CDH18: variants seen among roughly 807,000 people sequenced by gnomAD.
CDH18 encodes cadherin-18.
A neutral mutation model predicts 67.9 loss-of-function variants in CDH18; 31 were observed. The ratio of observed to expected loss-of-function variants is 0.46; its 90% confidence interval spans 0.34 to 0.62. The LOEUF is 0.62. Ranked by LOEUF, CDH18 falls within the 20% of genes least tolerant of loss-of-function variation. CDH18 has a pLI of 0.01. For synonymous variants in CDH18, 362 were observed against 347.2 expected, an observed-to-expected ratio of 1.04 and a Z score of -0.48; for missense variants, 890 against 975.5, an observed-to-expected ratio of 0.91 and a Z score of 1.17.
intron 2 of CDH18, among the ~76,000 whole-genome samples, chr5:19,878,803 G>A (rs1787314606): frequency 6.6e-6 from 1 of 151,996 alleles, no homozygotes; most frequent in Non-Finnish European, 1.5e-5. Context: ...CTCTCATACC[G>A]GAAAGTCATT....
At chr5:19,661,721 T>A (rs932171850) in intron 5 of CDH18, among the ~76,000 whole-genome samples, 1 of 152,076 alleles carries the variant, frequency 6.6e-6, no homozygotes, top group African/African-American at 2.4e-5. Context: ...TAATGCCATA[T>A]TTTGGAGATG....
chr5:20,485,711 G>A (rs555801597), intron 1 of CDH18, among the ~76,000 whole-genome samples: 1 of 132,058 alleles, frequency 7.6e-6, no homozygotes, highest in Admixed American at 7.4e-5. Context: ...GTGAAAAAAA[G>A]TGTTTTGCTT....
intron 2 of CDH18, among the ~76,000 whole-genome samples, chr5:20,083,939 G>C (rs1267136093): frequency 6.6e-6 from 1 of 152,086 alleles, no homozygotes; most frequent in African/African-American, 2.4e-5. Flanking sequence ...TGAGATTTGG[G>C]TGGGGACACA....
intron 2 of CDH18, among the ~76,000 whole-genome samples, chr5:20,150,801 A>G (rs535159664): frequency 6.6e-6 from 1 of 152,140 alleles, no homozygotes; most frequent in South Asian, 2.1e-4. Flanking sequence ...GCATGTTTAA[A>G]GCTTTGTAGC....
intron 1 of CDH18, among the ~76,000 whole-genome samples, chr5:20,358,572 CCAGG>C (rs2150068092): frequency 6.6e-6 from 1 of 152,138 alleles, no homozygotes; most frequent in Non-Finnish European, 1.5e-5. Context: ...TAATATTTGA[CCAGG>C]CAATACCACT....
Position 19,980,212 on chromosome 5 carries a change from A to AAAAAAC in CDH18, c.-257+847_-257+848insGTTTTT, listed in dbSNP as rs1554075765. Among the ~76,000 whole-genome samples, 6 of 151,284 alleles carry AAAAAAC rather than the reference A, an allele frequency of 4.0e-5. No homozygotes were observed. In the East Asian group the frequency reaches 9.8e-4, roughly 25 times the overall value. ...GAACTCAACCCCTTTTACAACAGCA[A>AAAAAAC]AAAACAAAACAAAACTTAGGAATAT... On this transcript the variant is annotated intron_variant, in intron 2 of 12. Transcript: ENST00000382275.
chr5:20,537,246 G>A (rs990936971), intron 1 of CDH18, among the ~76,000 whole-genome samples: 2 of 152,024 alleles, frequency 1.3e-5, no homozygotes, highest in African/African-American at 2.4e-5. Context: ...AATGAGAAGC[G>A]AAATAGTATA....
At chr5:20,466,771 C>T (rs992845053) in intron 1 of CDH18, among the ~76,000 whole-genome samples, 25 of 152,036 alleles carry the variant, frequency 1.6e-4, no homozygotes, top group Non-Finnish European at 3.7e-4. Context: ...AGAGTTTGTG[C>T]ATCTTGGCTC....
At position 19,521,148 on chromosome 5, in the gene CDH18, C is replaced by A. The variant is rs1315174078; in HGVS notation, c.1391-370G>T. 2.6e-5 allele frequency among the ~76,000 whole-genome samples: 4 copies of A among 152,014 alleles called. No individual in the cohort carries two copies. In the South Asian group the frequency reaches 6.2e-4, roughly 24 times the overall value. ...CACAGCAGTTGGTAAAAAATAATTA[C>A]CTAATCTTTAAAAAAGTTTAATGTT... is the stretch of plus-strand genomic sequence containing the variant. On this transcript the variant is annotated intron_variant, in intron 9 of 12. Coordinates refer to ENST00000382275, the MANE Select transcript of CDH18 (RefSeq NM_004934.5).
intron 1 of CDH18, among the ~76,000 whole-genome samples, chr5:20,466,109 T>C (rs1255411585): frequency 6.6e-6 from 1 of 152,066 alleles, no homozygotes; most frequent in Non-Finnish European, 1.5e-5. Flanking sequence ...ATTTCTAATA[T>C]ATTTCTGTAT....
At chr5:19,943,877 A>T (rs10054515) in intron 2 of CDH18, among the ~76,000 whole-genome samples, 92,039 of 151,880 alleles carry the variant, frequency 0.61, 28,350 homozygotes, top group East Asian at 0.72. Context: ...ATAAATTCTA[A>T]AAGCAATGAA....
At chr5:20,233,358 T>TTTTCATTATC (rs1742224352) in intron 2 of CDH18, among the ~76,000 whole-genome samples, 1 of 151,784 alleles carries the variant, frequency 6.6e-6, no homozygotes, top group African/African-American at 2.4e-5. Flanking sequence ...TTTTCATTAT[T>TTTTCATTATC]TTTTCAGTAA....
intron 1 of CDH18, among the ~76,000 whole-genome samples, chr5:20,496,975 CAA>C (rs1235249397): frequency 6.6e-6 from 1 of 151,630 alleles, no homozygotes; most frequent in Non-Finnish European, 1.5e-5. Context: ...GAGGGTGGGG[CAA>C]AATTGTTCAG....
intron 5 of CDH18, among the ~76,000 whole-genome samples, chr5:19,689,399 A>C (rs1761544894): frequency 6.6e-6 from 1 of 152,022 alleles, no homozygotes; most frequent in South Asian, 2.1e-4. Context: ...AAATTAAAAA[A>C]AAATTGGCAA....
chr5:19,733,254 T>C (rs1308522313), intron 4 of CDH18, among the ~76,000 whole-genome samples: 2 of 152,200 alleles, frequency 1.3e-5, no homozygotes, highest in Non-Finnish European at 2.9e-5. Context: ...TTCCTTTGAT[T>C]GAGCTTCACC....
intron 5 of CDH18, among the ~76,000 whole-genome samples, chr5:19,636,327 A>G (rs1413304863): frequency 6.6e-6 from 1 of 152,082 alleles, no homozygotes; most frequent in Non-Finnish European, 1.5e-5. Context: ...ATTAACATAT[A>G]TATTACACCA....
chr5:20,125,870 T>G (rs1237798190), intron 2 of CDH18, among the ~76,000 whole-genome samples: 1 of 152,122 alleles, frequency 6.6e-6, no homozygotes, highest in Non-Finnish European at 1.5e-5. Flanking sequence ...CTCCCTACAC[T>G]TGCTCAACCA....
intron 2 of CDH18, among the ~76,000 whole-genome samples, chr5:19,942,078 A>C (rs1343572141): frequency 6.6e-6 from 1 of 152,130 alleles, no homozygotes; most frequent in African/African-American, 2.4e-5. Flanking sequence ...CAAAAAAATA[A>C]GACCTAAAGA....
intron 9 of CDH18, among the ~76,000 whole-genome samples, chr5:19,527,279 T>C (rs914851951): frequency 1.3e-5 from 2 of 151,810 alleles, no homozygotes; most frequent in Admixed American, 6.6e-5. Context: ...GAAAGTCATA[T>C]TAAGTTTTAG....
Sources: gnomAD v4.1 joint callset for allele counts (sites outside exome capture counted in the v4.1 genomes callset) on GRCh38, gnomAD v4.1.1 for gene constraint, MANE v1.5 for transcripts, NCBI Gene and HGNC (gene_info 2026-07-23, HGNC 2026-07-21) for gene names.